The following ADGRF5 variants were observed in gnomAD, a reference collection of about 807,000 sequenced individuals.
ADGRF5 encodes adhesion G protein-coupled receptor F5.
A neutral mutation model predicts 132.3 loss-of-function variants in ADGRF5; 75 were observed. The observed-to-expected ratio is 0.57, with a 90% confidence interval of 0.47 to 0.69. The LOEUF (loss-of-function observed/expected upper bound fraction) is 0.69. Ranked by LOEUF, ADGRF5 falls within the 30% of genes least tolerant of loss-of-function variation. ADGRF5 has a pLI of 0.00. For missense variants in ADGRF5, 1,516 were observed against 1,630.6 expected, an observed-to-expected ratio of 0.93 and a Z score of 1.21; for synonymous variants, 629 against 597.6, an observed-to-expected ratio of 1.05 and a Z score of -0.77.
Position 46,942,211 on chromosome 6 carries a change from A to G in ADGRF5, c.-25+12523T>C, listed in dbSNP as rs564125177. ...GTCAAAGCACCTGCTGAACTGCATT[A>G]CAATGCTCTATTTATGGGCTCCTCC... On this transcript the variant is annotated intron_variant, in intron 1 of 20. Coordinates refer to the ADGRF5 transcript ENST00000265417. Among the ~76,000 whole-genome samples the G allele has an allele frequency of 5.3e-5, 8 of 152,270 alleles. 1 individual carries two copies. The South Asian group carries it at 1.7e-3, about 32-fold the overall frequency.
chr6:46,945,013 C>A (rs1778248966), intron 1 of ADGRF5, among the ~76,000 whole-genome samples: 1 of 152,196 alleles, frequency 6.6e-6, no homozygotes, highest in African/African-American at 2.4e-5. Flanking sequence ...ACAAGTTCTG[C>A]AGGTGCGCTG....
At chr6:46,865,468 C>G (rs938258363) in intron 13 of ADGRF5, among the ~76,000 whole-genome samples, 1 of 152,186 alleles carries the variant, frequency 6.6e-6, no homozygotes, top group Non-Finnish European at 1.5e-5. Context: ...AATCCTTCTC[C>G]CTATCTAAAT....
intron 1 of ADGRF5, among the ~76,000 whole-genome samples, chr6:46,911,023 T>C (rs1315109571): frequency 6.6e-6 from 1 of 152,168 alleles, no homozygotes; most frequent in Non-Finnish European, 1.5e-5. Context: ...TATCTTGCAT[T>C]TATCTCACCA....
chr6:46,868,988 T>C lies in ADGRF5; in HGVS notation c.1516A>G (p.Thr506Ala). 1 of 1,612,664 alleles carries C rather than the reference T, an allele frequency of 6.2e-7. No individual in the cohort carries two copies. The highest frequency in any genetic ancestry group is 1.3e-5 in the African/African-American group (1 of 75,028). ...VSNYDEVYWN[T>A]SAGIKIYQRF... ...TGGTATATTTTAATTCCAGCAGAAG[T>C]GTTCCAATAAACCTCATCATAGTTA... The change falls in exon 12 of 21, where the codon ACT (threonine) becomes GCT (alanine). Residue 506 changes from threonine (T) to alanine (A), a missense_variant. Coordinates refer to ENST00000283296, the MANE Select transcript of ADGRF5 (RefSeq NM_001098518.2).
At chr6:46,862,044 C>T (rs1769810090) in intron 15 of ADGRF5, among the ~76,000 whole-genome samples, 1 of 151,700 alleles carries the variant, frequency 6.6e-6, no homozygotes, top group African/African-American at 2.4e-5. Flanking sequence ...GGCCCATTTA[C>T]CTTGACAGCA....
Position 46,872,015 on chromosome 6 carries a change from TATA to T in ADGRF5, c.1241-5_1241-3del. The T allele has an allele frequency of 6.3e-7, 1 of 1,578,238 alleles. No individual in the cohort carries two copies. The highest frequency in any genetic ancestry group is 8.7e-7 in the Non-Finnish European group (1 of 1,155,092). ...AATCTATGTCTGTCTCAGGGGTTCC[TATA>T]ATGAGAAGCAAATTGTTGCCATCCC... On this transcript the variant is annotated splice_region_variant and splice_polypyrimidine_tract_variant and intron_variant, in intron 10 of 20. Transcript: ENST00000283296.
In ADGRF5 at chr6:46,865,952, T is replaced by A. The variant is rs552919547; in HGVS notation, c.1835-755A>T. Among the ~76,000 whole-genome samples the A allele has an allele frequency of 7.2e-5, 11 of 152,172 alleles. No individual in the cohort carries two copies. In the South Asian group the frequency reaches 2.3e-3, roughly 32 times the overall value. On this transcript the variant is annotated intron_variant, in intron 13 of 20. Transcript: ENST00000283296. ...TTGAGTAAGCCCTCCAGAATAGTTA[T>A]TGAAAAAATGAATGAGCTTGTAAAT...
intron 2 of ADGRF5, among the ~76,000 whole-genome samples, chr6:46,905,056 T>A (rs1775178695): frequency 6.6e-6 from 1 of 151,818 alleles, no homozygotes; most frequent in Admixed American, 6.6e-5. Context: ...GGGCCATCAC[T>A]AGGAGGGCAG....
In ADGRF5 at chr6:46,858,530, A is replaced by G. The variant is rs754735836; in HGVS notation, c.3373T>C (p.Ser1125Pro). ...LVFILHETSR[S>P]TQKAIAFCLG... ...CAGAAGGCAATGGCTTTCTGAGTGG[A>G]CCTGCTTGTTTCATGCAGAATGAAA... Residue 1125 changes from serine to proline, a missense_variant, in exon 17 of 21, where the codon TCC becomes CCC. Ser to Pro is a moderately conservative substitution (Grantham distance 74, BLOSUM62 -1). This residue lies in a region of ADGRF5 where 571 missense variants were observed against 701.2 expected (regional missense o/e 0.81). Transcript: ENST00000283296. The G allele has an allele frequency of 6.2e-7, 1 of 1,613,840 alleles. No homozygotes were observed. Among genetic ancestry groups the G allele is most frequent in the South Asian group, 1.1e-5 (1 of 91,058 alleles).
intron 1 of ADGRF5, among the ~76,000 whole-genome samples, chr6:46,928,728 A>G (rs1168557107): frequency 1.3e-5 from 2 of 152,166 alleles, no homozygotes; most frequent in Non-Finnish European, 2.9e-5. Flanking sequence ...GTTTCTTCCC[A>G]AGGAGGACTA....
chr6:46,934,963 ATGT>A (rs920376736), intron 1 of ADGRF5, among the ~76,000 whole-genome samples: 4 of 139,106 alleles, frequency 2.9e-5, no homozygotes, highest in Non-Finnish European at 6.3e-5. Context: ...TTAATCACTG[ATGT>A]TGTTTGGGAT....
intron 1 of ADGRF5, among the ~76,000 whole-genome samples, chr6:46,907,320 G>T (rs534699124): frequency 1.3e-5 from 2 of 152,056 alleles, no homozygotes; most frequent in East Asian, 3.9e-4. Flanking sequence ...TAGAATATTA[G>T]TATCATTATA....
At chr6:46,864,890 T>C (rs576082209) in intron 14 of ADGRF5, 152 bp downstream of exon 14, 78 of 518,984 alleles carry the variant, frequency 1.5e-4, no homozygotes, top group African/African-American at 1.1e-3. Flanking sequence ...GCTTATTTCT[T>C]TTCTTTTAAA....
intron 1 of ADGRF5, among the ~76,000 whole-genome samples, chr6:46,932,290 TAAAAG>T (rs1777588774): frequency 6.6e-6 from 1 of 152,156 alleles, no homozygotes; most frequent in African/African-American, 2.4e-5. Context: ...GGTAAGGTTA[TAAAAG>T]AAAAGACAAA....
chr6:46,904,624 G>T (rs77641807), intron 2 of ADGRF5, among the ~76,000 whole-genome samples: 2,895 of 152,256 alleles, frequency 0.019, 83 homozygotes, highest in South Asian at 0.13. Flanking sequence ...AAAATTTATT[G>T]TACAATAATG....
At chr6:46,912,773 G>A (rs574067858) in intron 1 of ADGRF5, among the ~76,000 whole-genome samples, 1 of 152,034 alleles carries the variant, frequency 6.6e-6, no homozygotes, top group African/African-American at 2.4e-5. Flanking sequence ...CTTTCTTCAT[G>A]GTCCAGAACA....
chr6:46,929,846 T>G (rs548333082), intron 1 of ADGRF5, among the ~76,000 whole-genome samples: 87 of 152,160 alleles, frequency 5.7e-4, no homozygotes, highest in Non-Finnish European at 1.0e-3. Context: ...TTTGAGATAG[T>G]GTTTCACTCT....
chr6:46,877,225 C>CTCTTTCTTTCTTTCTTTCTT (rs71536391), intron 10 of ADGRF5, among the ~76,000 whole-genome samples: 1 of 131,682 alleles, frequency 7.6e-6, no homozygotes, highest in Non-Finnish European at 1.7e-5. Context: ...TTTATTTCCT[C>CTCTTTCTTTCTTTCTTTCTT]TCTTTCTTTC....
chr6:46,938,559 G>A (rs78467038), intron 1 of ADGRF5, among the ~76,000 whole-genome samples: 2 of 152,126 alleles, frequency 1.3e-5, no homozygotes, highest in African/African-American at 2.4e-5. Context: ...AGATGAAGGA[G>A]CATCTTGGTG....
Sources: gnomAD v4.1 joint callset for allele counts (sites outside exome capture counted in the v4.1 genomes callset) on GRCh38, gnomAD v4.1.1 for gene constraint, gnomAD v4.1.1 regional missense constraint, MANE v1.5 for transcripts, NCBI Gene and HGNC (gene_info 2026-07-23, HGNC 2026-07-21) for gene names.